KCNQ2: variants seen among roughly 807,000 people sequenced by gnomAD.
The protein encoded by KCNQ2 is potassium voltage-gated channel subfamily KQT member 2.
KCNQ2 carries 14 observed loss-of-function variants against 84.8 expected under a neutral mutation model. The observed-to-expected ratio is 0.17, with a 90% CI of 0.11 to 0.26. KCNQ2 has a LOEUF of 0.26. Among genes scored for constraint, KCNQ2 ranks in the 10% least tolerant of loss-of-function variants. The pLI is 1.00. For synonymous variants in KCNQ2, 599 were observed against 554.1 expected (o/e 1.08, Z -1.14); for missense variants, 788 against 1,254.0 (o/e 0.63, Z 5.61).
chr20:63,417,517 G>C lies in KCNQ2; in HGVS notation c.1301+2102C>G, dbSNP rs548735235. 1.2e-3 allele frequency among the ~76,000 whole-genome samples: 187 copies of C among 152,366 alleles called. 1 individual carries two copies. Among genetic ancestry groups the C allele is most frequent in the African/African-American group, 4.4e-3 (183 of 41,596 alleles). Reference sequence around the variant, plus strand: ...AGCCGGTCGGCCCAACTGTAGCTTCGGGGCTGCCCTTGGCTGGTCTCTGGG... The same window carrying C: ...AGCCGGTCGGCCCAACTGTAGCTTCCGGGCTGCCCTTGGCTGGTCTCTGGG... On this transcript the variant is annotated intron_variant, in intron 12 of 16. Transcript: ENST00000359125.
intron 5 of KCNQ2, 164 bp from the exon 6 acceptor site, chr20:63,439,872 C>T: frequency 1.5e-6 from 1 of 674,906 alleles, no homozygotes; most frequent in Non-Finnish European, 2.7e-6. Flanking sequence ...GTGTCGGCCG[C>T]CCCTCATCCC....
chr20:63,412,904 G>C (rs767665740), intron 15 of KCNQ2, among the ~76,000 whole-genome samples: 2 of 152,192 alleles, frequency 1.3e-5, no homozygotes, highest in Non-Finnish European at 2.9e-5. Context: ...ACATGTGTGG[G>C]CACGTGTGTG....
At chr20:63,465,992 T>G in intron 1 of KCNQ2, among the ~76,000 whole-genome samples, 1 of 152,258 alleles carries the variant, frequency 6.6e-6, no homozygotes, top group African/African-American at 2.4e-5. Context: ...GCGTGGAAAC[T>G]AGAAGCTTGC....
chr20:63,417,461 G>A (rs1233761268), intron 12 of KCNQ2, among the ~76,000 whole-genome samples: 5 of 152,352 alleles, frequency 3.3e-5, no homozygotes, highest in South Asian at 2.1e-4. Context: ...CCTTTCTCAC[G>A]GCAGCTGGCA....
intron 9 of KCNQ2, 130 bp from the exon 10 acceptor site, chr20:63,428,565 G>C: frequency 1.3e-6 from 1 of 777,330 alleles, no homozygotes; most frequent in Non-Finnish European, 2.2e-6. Flanking sequence ...GACGTGGCCA[G>C]GCTTTCAGGC....
Position 63,446,894 on chromosome 20 carries a change from G to C in KCNQ2, c.297-57C>G, listed in dbSNP as rs1038028956. 1 of 1,487,058 alleles carries C rather than the reference G, an allele frequency of 6.7e-7. No individual in the cohort carries two copies. Among genetic ancestry groups the C allele is most frequent in the African/African-American group, 1.4e-5 (1 of 72,238 alleles). The allele number at this position is 1,487,058 out of a possible 1,614,324, so 92.1% of individuals were successfully genotyped here. A position where few individuals can be genotyped will look rare whatever the true frequency, so the allele number is the denominator to read the frequency against. On this transcript the variant is annotated intron_variant, in intron 1 of 16. Coordinates refer to ENST00000359125, the MANE Select transcript of KCNQ2 (RefSeq NM_172107.4). The surrounding 1 kb of genome is among the most constrained non-coding windows in gnomAD (Gnocchi z 5.5). Reference sequence around the variant, plus strand: ...GCCGCAGCAGGGCAGCAGCATGGCTGTGTCTCCAGAACTCAGGACCCCACT... The same window carrying C: ...GCCGCAGCAGGGCAGCAGCATGGCTCTGTCTCCAGAACTCAGGACCCCACT...
chr20:63,458,569 A>C (rs1167093034), intron 1 of KCNQ2, among the ~76,000 whole-genome samples: 1 of 152,144 alleles, frequency 6.6e-6, no homozygotes, highest in East Asian at 1.9e-4. Context: ...GCAGCCCCCA[A>C]GTCTCCCTGG....
Position 63,433,563 on chromosome 20 carries a change from A to G in KCNQ2, c.1118+246T>C, listed in dbSNP as rs1275631271. 8.3e-6 allele frequency: 6 copies of G among 719,312 alleles called. No homozygotes were observed. In the East Asian group the frequency reaches 1.6e-4, roughly 19 times the overall value. The allele number at this position is 719,312 out of a possible 1,614,324, so 44.6% of individuals were successfully genotyped here. A position where few individuals can be genotyped will look rare whatever the true frequency, so the allele number is the denominator to read the frequency against. On this transcript the variant is annotated intron_variant, in intron 8 of 16. Transcript: ENST00000359125. ...GTCCTTGCAACGCACAAAACACAGC[A>G]CGACCCACGGCCAGGACGATAAAGC...
At chr20:63,422,545 T>G (rs2080505455) in intron 11 of KCNQ2, 1 of 151,236 alleles carries the variant, frequency 6.6e-6, no homozygotes, top group Non-Finnish European at 1.5e-5. Flanking sequence ...CCCGGACACA[T>G]GGGGAAGAGA....
chr20:63,465,930 G>A (rs1320472122), intron 1 of KCNQ2, among the ~76,000 whole-genome samples: 2 of 152,196 alleles, frequency 1.3e-5, no homozygotes, highest in South Asian at 2.1e-4. Context: ...GCGTCCCGGC[G>A]GGTCCTCTGC....
At chr20:63,432,226 CCACCCACAGGGAAGGA>C (rs2080829133) in intron 8 of KCNQ2, among the ~76,000 whole-genome samples, 2 of 129,526 alleles carry the variant, frequency 1.5e-5, no homozygotes, top group Non-Finnish European at 3.5e-5. Flanking sequence ...AGGGAAGGCT[CCACCCACAGGGAAGGA>C]TCCACCCACA....
intron 4 of KCNQ2, among the ~76,000 whole-genome samples, chr20:63,442,780 C>T (rs916846969): frequency 3.5e-5 from 1 of 28,736 alleles, no homozygotes; most frequent in Non-Finnish European, 6.4e-5. Context: ...CCATCACCAC[C>T]ACCACCATCA....
chr20:63,436,199 G>A (rs146601650), intron 7 of KCNQ2, among the ~76,000 whole-genome samples: 188 of 152,346 alleles, frequency 1.2e-3, no homozygotes, highest in African/African-American at 4.4e-3. Context: ...GAAAGGAAGA[G>A]TGAATCGATG....
chr20:63,463,751 G>A (rs1031923084), intron 1 of KCNQ2: 2 of 152,342 alleles, frequency 1.3e-5, no homozygotes, highest in East Asian at 1.9e-4. Context: ...TTCAGCTTAC[G>A]TCACGGGTAA....
chr20:63,441,747 GAC>G (rs1361471242), intron 5 of KCNQ2, among the ~76,000 whole-genome samples: 2 of 152,228 alleles, frequency 1.3e-5, no homozygotes, highest in Admixed American at 1.3e-4. Flanking sequence ...CGACTGGGAA[GAC>G]AGTGTCCAGG....
rs1431106208 is a variant in KCNQ2, at chr20:63,407,688, G to A, written c.1888-313C>T. 6.6e-6 allele frequency among the ~76,000 whole-genome samples: 1 copy of A among 151,576 alleles called. No individual in the cohort carries two copies. Among genetic ancestry groups the A allele is most frequent in the African/African-American group, 2.4e-5 (1 of 41,216 alleles). On this transcript the variant is annotated intron_variant, in intron 16 of 16. Coordinates refer to ENST00000359125, the MANE Select transcript of KCNQ2 (RefSeq NM_172107.4). The surrounding 1 kb of genome is among the most constrained non-coding windows in gnomAD (Gnocchi z 7.2). ...CTGGTCCTAGGAGATGGGGGGACCT[G>A]GACCACTCCCAGGAAGTCGGTCGAC...
chr20:63,414,054 C>A lies in KCNQ2; in HGVS notation c.1631+34G>T. On this transcript the variant is annotated intron_variant, in intron 14 of 16. Transcript: ENST00000359125. This position sits in a 1 kb window ranked among gnomAD's most constrained non-coding sequence, Gnocchi z 6.6. ...CCACCGAGCGGGAGGCCCCTCCTCA[C>A]TCCCCCAGGCTCCCGGCTGGGCAGG... The A allele has an allele frequency of 6.5e-7, 1 of 1,537,366 alleles. No homozygotes were observed. Among genetic ancestry groups the A allele is most frequent in the African/African-American group, 1.4e-5 (1 of 73,514 alleles).
At chr20:63,472,109 TGGGGTCGCCGATG>T (rs2082230959) in intron 1 of KCNQ2, 46 bp downstream of exon 1, 3 of 1,276,636 alleles carry the variant, frequency 2.3e-6, no homozygotes, top group Admixed American at 2.9e-5. Flanking sequence ...GGGTCGCCGA[TGGGGTCGCCGATG>T]GGGGTCGCCA....
chr20:63,443,307 CCA>C (rs2081297028), intron 4 of KCNQ2, among the ~76,000 whole-genome samples: 1 of 89,272 alleles, frequency 1.1e-5, no homozygotes, highest in African/African-American at 4.3e-5. Context: ...ACCACCATCA[CCA>C]TCATCACCAC....
Sources: gnomAD v4.1 joint callset for allele counts (sites outside exome capture counted in the v4.1 genomes callset) on GRCh38, gnomAD v4.1.1 for gene constraint, Gnocchi (gnomAD v3.1) non-coding constraint, MANE v1.5 for transcripts, NCBI Gene and HGNC (gene_info 2026-07-23, HGNC 2026-07-21) for gene names.